The following EFCAB6 variants were observed in gnomAD, a reference collection of about 807,000 sequenced individuals.
EFCAB6 encodes the protein EF-hand calcium binding domain 6.
EFCAB6 carries 156 observed loss-of-function variants against 169.8 expected under a neutral mutation model. That is an observed-to-expected ratio of 0.92 (90% CI 0.81 to 1.05). EFCAB6 has a LOEUF of 1.05. Ranked by LOEUF, EFCAB6 falls within the 50% of genes least tolerant of loss-of-function variation. EFCAB6 has a pLI of 0.00. For synonymous variants in EFCAB6, 698 were observed against 676.4 expected, an observed-to-expected ratio of 1.03 and a Z score of -0.50; for missense variants, 1,800 against 1,829.1, an observed-to-expected ratio of 0.98 and a Z score of 0.29.
At chr22:43,774,674 G>A (rs776312247) in intron 3 of EFCAB6, among the ~76,000 whole-genome samples, 5 of 151,662 alleles carry the variant, frequency 3.3e-5, no homozygotes, top group African/African-American at 4.8e-5. Flanking sequence ...GCTGGTTTCC[G>A]GTGACAGGAT....
intron 4 of EFCAB6, 104 bp from the exon 5 acceptor site, chr22:43,765,497 A>G (rs2061298695): frequency 1.2e-6 from 1 of 813,690 alleles, no homozygotes; most frequent in African/African-American, 1.7e-5. Context: ...GTAACAGAGA[A>G]TACTATTAAC....
chr22:43,618,403 A>G (rs1402846754), intron 20 of EFCAB6, among the ~76,000 whole-genome samples: 1 of 152,046 alleles, frequency 6.6e-6, no homozygotes, highest in Admixed American at 6.6e-5. Flanking sequence ...GGGTCTTGAG[A>G]GGTGCTTCCG....
chr22:43,741,539 C>A (rs1195792796), intron 6 of EFCAB6, among the ~76,000 whole-genome samples: 1 of 152,222 alleles, frequency 6.6e-6, no homozygotes, highest in African/African-American at 2.4e-5. Flanking sequence ...AACACCTGGA[C>A]CATTTCCTAT....
chr22:43,721,843 T>G (rs2059539552), intron 8 of EFCAB6, among the ~76,000 whole-genome samples: 1 of 152,024 alleles, frequency 6.6e-6, no homozygotes, highest in African/African-American at 2.4e-5. Flanking sequence ...GCAAAGAATG[T>G]TTGGCTAAGT....
At chr22:43,639,448 C>T (rs2055651139) in intron 17 of EFCAB6, among the ~76,000 whole-genome samples, 2 of 152,126 alleles carry the variant, frequency 1.3e-5, no homozygotes, top group African/African-American at 4.8e-5. Context: ...TGCTTTTTTC[C>T]TTTTTCCTTT....
intron 4 of EFCAB6, among the ~76,000 whole-genome samples, chr22:43,768,184 C>G (rs1048906347): frequency 6.6e-6 from 1 of 152,090 alleles, no homozygotes. Flanking sequence ...TATAAAACAC[C>G]GAGTCTGCAT....
intron 9 of EFCAB6, among the ~76,000 whole-genome samples, chr22:43,712,227 A>AT (rs779724249): frequency 1.3e-5 from 2 of 152,212 alleles, no homozygotes; most frequent in Non-Finnish European, 2.9e-5. Flanking sequence ...TATATGACTC[A>AT]TAAAAATACT....
chr22:43,600,306 GT>G, intron 22 of EFCAB6, 43 bp from the exon 23 acceptor site: 1 of 1,594,020 alleles, frequency 6.3e-7, no homozygotes, highest in Non-Finnish European at 8.6e-7. Flanking sequence ...TCAGTAGCCA[GT>G]AAGGTGTGCT....
chr22:43,630,786 G>A (rs1304564948), intron 19 of EFCAB6, among the ~76,000 whole-genome samples: 1 of 152,192 alleles, frequency 6.6e-6, no homozygotes. Flanking sequence ...CCTCCTCCAC[G>A]CTGGAGCCCA....
At chr22:43,780,958 G>C (rs1159173937) in intron 3 of EFCAB6, among the ~76,000 whole-genome samples, 1 of 152,170 alleles carries the variant, frequency 6.6e-6, no homozygotes, top group East Asian at 1.9e-4. Flanking sequence ...GCAGTGCTTT[G>C]TAAGTGCGTC....
intron 10 of EFCAB6, among the ~76,000 whole-genome samples, chr22:43,710,498 C>A (rs778894549): frequency 6.6e-6 from 1 of 152,094 alleles, no homozygotes; most frequent in Non-Finnish European, 1.5e-5. Context: ...GCCAGGGAAC[C>A]AGCTCATTAT....
intron 26 of EFCAB6, among the ~76,000 whole-genome samples, chr22:43,565,308 G>A (rs1229022548): frequency 6.6e-6 from 1 of 152,228 alleles, no homozygotes; most frequent in Non-Finnish European, 1.5e-5. Context: ...AGCCCCCACA[G>A]CTGTGAAAAC....
chr22:43,663,635 T>C (rs563899608), intron 17 of EFCAB6, among the ~76,000 whole-genome samples: 2 of 152,194 alleles, frequency 1.3e-5, no homozygotes, highest in South Asian at 2.1e-4. Context: ...TCACAGCAAA[T>C]TGATTGTTAC....
intron 17 of EFCAB6, among the ~76,000 whole-genome samples, chr22:43,648,932 C>A (rs1162930779): frequency 4.6e-5 from 7 of 152,154 alleles, no homozygotes; most frequent in Non-Finnish European, 7.3e-5. Flanking sequence ...ACAAAGCTCC[C>A]CATCCCCGCC....
intron 22 of EFCAB6, among the ~76,000 whole-genome samples, chr22:43,604,648 T>G (rs1312591940): frequency 2.6e-5 from 4 of 152,144 alleles, no homozygotes; most frequent in African/African-American, 4.8e-5. Flanking sequence ...TGGGCACTGC[T>G]TTGGTTGAGC....
intron 17 of EFCAB6, among the ~76,000 whole-genome samples, chr22:43,643,807 A>C (rs1321193910): frequency 6.6e-6 from 1 of 152,100 alleles, no homozygotes; most frequent in Non-Finnish European, 1.5e-5. Flanking sequence ...TCAGTGGCTT[A>C]CAACAAAATA....
rs376577614 is a variant in EFCAB6, at chr22:43,632,106, C to A, written c.2231G>T (p.Arg744Leu). 1.9e-6 allele frequency: 3 copies of A among 1,613,752 alleles called. No individual in the cohort carries two copies. The highest frequency in any genetic ancestry group is 2.5e-6 in the Non-Finnish European group (3 of 1,179,856). The change falls in exon 19 of 32, where the codon CGG (arginine) becomes CTG (leucine). Residue 744 changes from arginine to leucine, a missense_variant and splice_region_variant. Physicochemically the swap from Arg to Leu is moderately radical, Grantham distance 102. Transcript: ENST00000262726. ...LFPRRLKESF[R>L]DPYSAFFKTD... is the part of the protein sequence containing the mutation. ...CAGCGCCAGACAGTCACGGTTTACC[C>A]GGAATGACTCCTTCAGCCTCCTAGG...
Position 43,772,960 on chromosome 22 carries a change from G to T in EFCAB6, c.283C>A (p.Leu95Met). The T allele has an allele frequency of 6.2e-7, 1 of 1,614,200 alleles. No individual in the cohort carries two copies. The highest frequency in any genetic ancestry group is 1.3e-5 in the African/African-American group (1 of 75,052). ...AGGAAGTCTGTGATGATTCTTCTCA[G>T]TTCACTTTTTGACACAGTCAAGTTC... ...GQNLTVSKSE[L>M]RRIITDFLMP... Residue 95 changes from leucine (L) to methionine (M), a missense_variant, in exon 4 of 32, where the codon CTG becomes ATG. By Grantham distance (15) the Leu-to-Met change is conservative (BLOSUM62 2). Coordinates refer to ENST00000262726, the MANE Select transcript of EFCAB6 (RefSeq NM_022785.4).
chr22:43,715,570 T>C (rs1359621650), intron 9 of EFCAB6, among the ~76,000 whole-genome samples: 1 of 152,196 alleles, frequency 6.6e-6, no homozygotes, highest in Non-Finnish European at 1.5e-5. Flanking sequence ...ATCCTCTTCT[T>C]ATAAAATTAT....
Sources: allele counts gnomAD v4.1 joint callset (sites outside exome capture counted in the v4.1 genomes callset), GRCh38; gene constraint gnomAD v4.1.1; transcripts MANE v1.5; gene names NCBI Gene and HGNC (gene_info 2026-07-23, HGNC 2026-07-21).